ST7: variants seen among roughly 807,000 people sequenced by gnomAD.
ST7 encodes suppression of tumorigenicity 7.
A neutral mutation model predicts 78.7 loss-of-function variants in ST7; 28 were observed. That is an observed-to-expected ratio of 0.36 (90% CI 0.26 to 0.49). The LOEUF (loss-of-function observed/expected upper bound fraction) is 0.49. Among genes scored for constraint, ST7 ranks in the 20% least tolerant of loss-of-function variants. ST7 has a pLI of 0.99. For synonymous variants in ST7, 247 were observed against 249.6 expected (o/e 0.99, Z 0.10); for missense variants, 418 against 696.0 (o/e 0.60, Z 4.49).
chr7:117,090,417 A>G (rs182143001), intron 1 of ST7, among the ~76,000 whole-genome samples: 15 of 152,326 alleles, frequency 9.8e-5, no homozygotes, highest in African/African-American at 2.2e-4. Flanking sequence ...TTTAGCGTTT[A>G]TCAAACATTG....
intron 2 of ST7, 79 bp downstream of exon 2, chr7:117,099,923 T>C: frequency 2.7e-6 from 3 of 1,125,464 alleles, no homozygotes; most frequent in Non-Finnish European, 3.9e-6. Flanking sequence ...TAAAAAACTC[T>C]GGAAGAATAT....
chr7:117,124,327 ATATTAT>A (rs1163973348), intron 3 of ST7, among the ~76,000 whole-genome samples: 1 of 152,048 alleles, frequency 6.6e-6, no homozygotes, highest in Non-Finnish European at 1.5e-5. Flanking sequence ...CAGGAAGCAG[ATATTAT>A]TATTATCTCT....
At chr7:116,961,407 A>G (rs904124372) in intron 1 of ST7, among the ~76,000 whole-genome samples, 1 of 152,222 alleles carries the variant, frequency 6.6e-6, no homozygotes, top group Admixed American at 6.5e-5. Flanking sequence ...TGCTTTGGGC[A>G]GTATGGGCAT....
At chr7:117,220,237 G>A (rs1351602748) in intron 14 of ST7, among the ~76,000 whole-genome samples, 15 of 152,198 alleles carry the variant, frequency 9.9e-5, no homozygotes, top group Admixed American at 9.8e-4. Context: ...ATCAGATTGA[G>A]GTAGCAGGAG....
intron 1 of ST7, among the ~76,000 whole-genome samples, chr7:117,083,904 C>G (rs1799960543): frequency 6.6e-6 from 1 of 152,142 alleles, no homozygotes; most frequent in African/African-American, 2.4e-5. Context: ...CCTCCCATCT[C>G]CTCCTTATTA....
chr7:117,024,074 A>G (rs1193118387), intron 1 of ST7, among the ~76,000 whole-genome samples: 1 of 152,150 alleles, frequency 6.6e-6, no homozygotes, highest in Non-Finnish European at 1.5e-5. Flanking sequence ...TCAACCTCCC[A>G]AAGTGCTGGG....
rs1230710760 is a variant in ST7 at position 117,156,805 on chromosome 7, A to G, written c.964-14057A>G. 2.6e-5 allele frequency among the ~76,000 whole-genome samples: 4 copies of G among 152,298 alleles called. No individual in the cohort carries two copies. In the East Asian group the frequency reaches 7.7e-4, roughly 29 times the overall value. On this transcript the variant is annotated intron_variant, in intron 9 of 15. Coordinates refer to ENST00000323984, the MANE Select transcript of ST7 (RefSeq NM_001369598.1). ...TAAGAACAAAAAAGTAGAGAGGACAAGGCACTGGTGGTCTCAGTGAAATTA... is the reference window on the plus strand; with the variant it reads ...TAAGAACAAAAAAGTAGAGAGGACAGGGCACTGGTGGTCTCAGTGAAATTA...
At chr7:116,998,319 C>G (rs1483286855) in intron 1 of ST7, among the ~76,000 whole-genome samples, 1 of 152,232 alleles carries the variant, frequency 6.6e-6, no homozygotes, top group Non-Finnish European at 1.5e-5. Context: ...CCACACCCAC[C>G]CGGAACTCAC....
At chr7:117,006,615 C>T (rs960514011) in intron 1 of ST7, among the ~76,000 whole-genome samples, 2 of 152,108 alleles carry the variant, frequency 1.3e-5, no homozygotes, top group African/African-American at 4.8e-5. Flanking sequence ...ATTAGTTTAG[C>T]CAGTTATTCT....
At chr7:117,056,065 A>G (rs952852926) in intron 1 of ST7, among the ~76,000 whole-genome samples, 1 of 152,100 alleles carries the variant, frequency 6.6e-6, no homozygotes, top group African/African-American at 2.4e-5. Flanking sequence ...TGCCTGGTTT[A>G]TATTCACTGG....
chr7:117,104,042 A>G (rs894466879), intron 2 of ST7, among the ~76,000 whole-genome samples: 9 of 152,172 alleles, frequency 5.9e-5, no homozygotes, highest in Non-Finnish European at 1.2e-4. Flanking sequence ...ACAACGAGCT[A>G]TCATCTCACT....
chr7:117,039,868 A>G (rs1415001661), intron 1 of ST7, among the ~76,000 whole-genome samples: 2 of 152,168 alleles, frequency 1.3e-5, no homozygotes, highest in African/African-American at 4.8e-5. Flanking sequence ...TGTAGTCGCA[A>G]ATCAGACTCT....
At chr7:117,214,938 G>A (rs2116099403) in intron 13 of ST7, among the ~76,000 whole-genome samples, 1 of 129,458 alleles carries the variant, frequency 7.7e-6, no homozygotes, top group East Asian at 2.1e-4. Flanking sequence ...GTGTGTGTGT[G>A]TGTGTGTGTG....
chr7:117,209,806 G>C lies in ST7; in HGVS notation c.1274G>C (p.Ser425Thr). Residue 425 changes from serine (S) to threonine (T), a missense_variant, in exon 13 of 16, where the codon AGC becomes ACC. Physicochemically the swap from Ser to Thr is moderately conservative, Grantham distance 58. Coordinates refer to ENST00000323984, the MANE Select transcript of ST7 (RefSeq NM_001369598.1). ...TTTCAGTACCTACTAGAAATGAAAA[G>C]CTTAATCCTACCCCCAGAACATATC... ...HVPKYLLEMK[S>T]LILPPEHILK... is the part of the protein sequence containing the mutation. 6.2e-7 allele frequency: 1 copy of C among 1,613,662 alleles called. No homozygotes were observed. The highest frequency in any genetic ancestry group is 8.5e-7 in the Non-Finnish European group (1 of 1,179,908).
chr7:117,178,478 T>TA (rs1467898109), intron 10 of ST7, among the ~76,000 whole-genome samples: 1 of 152,104 alleles, frequency 6.6e-6, no homozygotes, highest in Non-Finnish European at 1.5e-5. Context: ...TGTACTAGGG[T>TA]AGTCATTGGG....
At chr7:117,090,238 CACACACACACACACAG>C (rs958077764) in intron 1 of ST7, among the ~76,000 whole-genome samples, 17 of 134,956 alleles carry the variant, frequency 1.3e-4, no homozygotes, top group Admixed American at 9.7e-4. Flanking sequence ...AGGATAGAAA[CACACACACACACACAG>C]ACACACACAC....
chr7:117,003,061 T>G (rs1245147963), intron 1 of ST7, among the ~76,000 whole-genome samples: 1 of 151,984 alleles, frequency 6.6e-6, no homozygotes, highest in Non-Finnish European at 1.5e-5. Flanking sequence ...TGCCCTCAGG[T>G]GATCCACCTG....
In ST7 at chr7:116,953,630, C is replaced by T; in HGVS notation, c.90C>T (p.Ile30=). The part of the protein sequence containing the change: ...WTYLWTVWFF[I]VLFLVYILRV... ...ATCTGTGGACCGTGTGGTTCTTCAT[C>T]GTGCTATTCCTGGTCTACATCCTGC... The change falls in exon 1 of 16, where the codon ATC becomes ATT. Residue 30 remains isoleucine, a synonymous_variant. Transcript: ENST00000323984. The T allele has an allele frequency of 1.3e-6, 2 of 1,509,830 alleles. No individual in the cohort carries two copies. Among genetic ancestry groups the T allele is most frequent in the South Asian group, 2.3e-5 (2 of 86,310 alleles). The allele number at this position is 1,509,830 out of a possible 1,614,324, so 93.5% of individuals were successfully genotyped here.
At chr7:117,048,660 G>T (rs1379489881) in intron 1 of ST7, among the ~76,000 whole-genome samples, 1 of 152,138 alleles carries the variant, frequency 6.6e-6, no homozygotes, top group Non-Finnish European at 1.5e-5. Flanking sequence ...GATAGGCTCT[G>T]TCGTAAATTC....
Sources: allele counts gnomAD v4.1 joint callset (sites outside exome capture counted in the v4.1 genomes callset), GRCh38; gene constraint gnomAD v4.1.1; transcripts MANE v1.5; gene names NCBI Gene and HGNC (gene_info 2026-07-23, HGNC 2026-07-21).